The following CHST11 variants were observed in gnomAD, a reference collection of about 807,000 sequenced individuals.
The protein encoded by CHST11 is C4S-1.
A neutral mutation model predicts 30.4 loss-of-function variants in CHST11; 9 were observed. The observed-to-expected ratio is 0.30, with a 90% CI of 0.18 to 0.52. The LOEUF (loss-of-function observed/expected upper bound fraction) is 0.52, where lower values mean the gene tolerates loss of function less well. CHST11 is among the 20% of genes least tolerant of loss of function. The probability of loss-of-function intolerance (pLI) is 0.97; values close to 1 mark genes in which losing one functional copy is unlikely to be tolerated. For missense variants in CHST11, 348 were observed against 460.6 expected (o/e 0.76, Z 2.24); for synonymous variants, 152 against 187.8 (o/e 0.81, Z 1.56).
At chr12:104,512,081 C>A (rs1448058922) in intron 1 of CHST11, among the ~76,000 whole-genome samples, 1 of 151,874 alleles carries the variant, frequency 6.6e-6, no homozygotes, top group Non-Finnish European at 1.5e-5. Flanking sequence ...TATTTTTTCC[C>A]CTACATATTT....
At chr12:104,662,239 G>A (rs981466956) in intron 2 of CHST11, among the ~76,000 whole-genome samples, 1 of 152,138 alleles carries the variant, frequency 6.6e-6, no homozygotes, top group Non-Finnish European at 1.5e-5. Context: ...GTGTCAGCAC[G>A]TCCTCTCATT....
chr12:104,703,505 GCTGCCGTCTTTCTT>G (rs1385465038), intron 2 of CHST11, among the ~76,000 whole-genome samples: 1 of 152,050 alleles, frequency 6.6e-6, no homozygotes, highest in African/African-American at 2.4e-5. Flanking sequence ...CCCCACCCCG[GCTGCCGTCTTTCTT>G]CTCCAGTCTC....
rs564265998 is a variant in CHST11 at position 104,529,893 on chromosome 12, C to T, written c.119-72013C>T. ...TGATTACAGGCTGGGTGCGGTGGCT[C>T]ATGCCTGTAATCCCAACACTTTGGG... On this transcript the variant is annotated intron_variant, in intron 1 of 2. Transcript: ENST00000303694. Among the ~76,000 whole-genome samples the T allele has an allele frequency of 8.1e-4, 124 of 152,196 alleles. 1 individual carries two copies. Among genetic ancestry groups the T allele is most frequent in the Non-Finnish European group, 1.5e-3 (103 of 68,040 alleles).
In CHST11 at chr12:104,458,867, CG is replaced by C. The variant is rs1404693999; in HGVS notation, c.118+1339del. 6.6e-6 allele frequency among the ~76,000 whole-genome samples: 1 copy of C among 152,212 alleles called. No individual in the cohort carries two copies. Among genetic ancestry groups the C allele is most frequent in the Non-Finnish European group, 1.5e-5 (1 of 68,042 alleles). Reference sequence around the variant, plus strand: ...CTAACACTTTAAACAGACGCAGTCCCGAATTCATCAAGCCTGCGTTTGGGTC... The same window carrying C: ...CTAACACTTTAAACAGACGCAGTCCCAATTCATCAAGCCTGCGTTTGGGTC... On this transcript the variant is annotated intron_variant, in intron 1 of 2. Transcript: ENST00000303694. This position sits in a 1 kb window ranked among gnomAD's most constrained non-coding sequence, Gnocchi z 5.7.
chr12:104,498,028 C>T (rs1278352575), intron 1 of CHST11, among the ~76,000 whole-genome samples: 1 of 148,706 alleles, frequency 6.7e-6, no homozygotes, highest in Non-Finnish European at 1.5e-5. Flanking sequence ...AAGCAATTCT[C>T]GTGCCTCAGC....
chr12:104,557,790 T>G (rs933649315), intron 1 of CHST11, among the ~76,000 whole-genome samples: 3 of 152,110 alleles, frequency 2.0e-5, no homozygotes, highest in Non-Finnish European at 2.9e-5. Context: ...CGGATTCTTC[T>G]CCCAGGGAAA....
chr12:104,657,815 G>A (rs961923038), intron 2 of CHST11, among the ~76,000 whole-genome samples: 1 of 152,182 alleles, frequency 6.6e-6, no homozygotes, highest in African/African-American at 2.4e-5. Flanking sequence ...AGTGTGGTGT[G>A]TCGGGAACAT....
chr12:104,571,128 T>C (rs1592768685), intron 1 of CHST11, among the ~76,000 whole-genome samples: 1 of 151,774 alleles, frequency 6.6e-6, no homozygotes, highest in Non-Finnish European at 1.5e-5. Context: ...AGCTAGCAGG[T>C]GGTGGACTCA....
chr12:104,516,162 T>C (rs2038020708), intron 1 of CHST11, among the ~76,000 whole-genome samples: 2 of 152,174 alleles, frequency 1.3e-5, no homozygotes, highest in South Asian at 4.1e-4. Context: ...GGAGGCAGTT[T>C]AGTAGCATTC....
chr12:104,458,060 G>A lies in CHST11; in HGVS notation c.118+531G>A, dbSNP rs933995668. 8.6e-5 allele frequency among the ~76,000 whole-genome samples: 13 copies of A among 151,862 alleles called. No homozygotes were observed. The highest frequency in any genetic ancestry group is 1.6e-4 in the Non-Finnish European group (11 of 67,922). On this transcript the variant is annotated intron_variant, in intron 1 of 2. Transcript: ENST00000303694. The surrounding 1 kb of genome is among the most constrained non-coding windows in gnomAD (Gnocchi z 5.7). ...GCGAGGTTGCGAGTCCCTGCAGCAG[G>A]CTGGGAGCCCGGGACTGGGCTCCCA...
chr12:104,620,527 A>C (rs575360870), intron 2 of CHST11, among the ~76,000 whole-genome samples: 1 of 152,328 alleles, frequency 6.6e-6, no homozygotes, highest in East Asian at 1.9e-4. Context: ...CTGTTTTCAA[A>C]ATGGAGGTCC....
intron 1 of CHST11, among the ~76,000 whole-genome samples, chr12:104,518,644 C>CT (rs2038047928): frequency 6.6e-6 from 1 of 152,142 alleles, no homozygotes; most frequent in African/African-American, 2.4e-5. Flanking sequence ...TTGTGTGTCA[C>CT]TTTGCAGGAA....
At chr12:104,582,549 G>A (rs2038756906) in intron 1 of CHST11, among the ~76,000 whole-genome samples, 1 of 152,154 alleles carries the variant, frequency 6.6e-6, no homozygotes, top group South Asian at 2.1e-4. Flanking sequence ...TGGAGTTTAA[G>A]TTCTTTCTGT....
chr12:104,674,409 G>C (rs113305541), intron 2 of CHST11, among the ~76,000 whole-genome samples: 202 of 152,276 alleles, frequency 1.3e-3, no homozygotes, highest in Non-Finnish European at 2.2e-3. Flanking sequence ...TCCTAACGAG[G>C]AAGGTGCTGT....
chr12:104,734,840 G>T (rs1480432370), intron 2 of CHST11, among the ~76,000 whole-genome samples: 1 of 152,216 alleles, frequency 6.6e-6, no homozygotes. Context: ...AGATCCAGAG[G>T]AGGAGGGTTT....
intron 1 of CHST11, among the ~76,000 whole-genome samples, chr12:104,482,089 G>A (rs1247988404): frequency 2.6e-5 from 4 of 151,794 alleles, no homozygotes; most frequent in Admixed American, 6.6e-5. Context: ...GACCTCAAGC[G>A]ATCCACCCAC....
At chr12:104,578,272 A>T (rs1005550713) in intron 1 of CHST11, among the ~76,000 whole-genome samples, 4 of 152,174 alleles carry the variant, frequency 2.6e-5, no homozygotes, top group Non-Finnish European at 4.4e-5. Flanking sequence ...CACTGCTCGG[A>T]TCTTCCCAGT....
rs146940011 is a variant in CHST11 at position 104,729,818 on chromosome 12, G to A, written c.205-27131G>A. Among the ~76,000 whole-genome samples the A allele has an allele frequency of 3.0e-3, 453 of 152,240 alleles. 2 individuals are homozygous for A. Among genetic ancestry groups the A allele is most frequent in the African/African-American group, 0.01 (426 of 41,520 alleles). ...TTGGGTTTAGAAAAATGAAGAGGAGGAGCAGCACAGGCCATCTGGATGGGG... is the reference window on the plus strand; with the variant it reads ...TTGGGTTTAGAAAAATGAAGAGGAGAAGCAGCACAGGCCATCTGGATGGGG... On this transcript the variant is annotated intron_variant, in intron 2 of 2. Coordinates refer to ENST00000303694, the MANE Select transcript of CHST11 (RefSeq NM_018413.6). The surrounding 1 kb of genome is among the most constrained non-coding windows in gnomAD (Gnocchi z 4.0).
At chr12:104,486,944 A>G (rs2037685112) in intron 1 of CHST11, among the ~76,000 whole-genome samples, 1 of 152,234 alleles carries the variant, frequency 6.6e-6, no homozygotes. Flanking sequence ...GCTTTTATAA[A>G]GAGGCATGCC....
Sources: allele counts gnomAD v4.1 joint callset (sites outside exome capture counted in the v4.1 genomes callset), GRCh38; gene constraint gnomAD v4.1.1; non-coding constraint Gnocchi (gnomAD v3.1); transcripts MANE v1.5; gene names NCBI Gene and HGNC (gene_info 2026-07-23, HGNC 2026-07-21).